The following CDH18 variants were observed in gnomAD, a reference collection of about 807,000 sequenced individuals.
CDH18 encodes the protein cadherin 18.
CDH18 carries 31 observed loss-of-function variants against 67.9 expected under a neutral mutation model. The observed-to-expected ratio is 0.46, with a 90% confidence interval of 0.34 to 0.62. The LOEUF (loss-of-function observed/expected upper bound fraction) is 0.62, where lower values mean the gene tolerates loss of function less well. Ranked by LOEUF, CDH18 falls within the 20% of genes least tolerant of loss-of-function variation. The pLI is 0.01. For missense variants in CDH18, 890 were observed against 975.5 expected, an observed-to-expected ratio of 0.91 and a Z score of 1.17; for synonymous variants, 362 against 347.2, an observed-to-expected ratio of 1.04 and a Z score of -0.48.
intron 1 of CDH18, among the ~76,000 whole-genome samples, chr5:20,261,776 G>C (rs1462566159): frequency 6.6e-6 from 1 of 152,008 alleles, no homozygotes; most frequent in Non-Finnish European, 1.5e-5. Context: ...TGTGTGGTGT[G>C]GTTTTGTACT....
intron 4 of CDH18, among the ~76,000 whole-genome samples, chr5:19,726,568 G>T (rs1485170138): frequency 2.0e-5 from 3 of 152,142 alleles, no homozygotes; most frequent in Non-Finnish European, 2.9e-5. Context: ...ATAAATAGCA[G>T]GGATGGAAAA....
intron 10 of CDH18, among the ~76,000 whole-genome samples, chr5:19,516,084 C>T (rs1745945151): frequency 6.6e-6 from 1 of 151,982 alleles, no homozygotes; most frequent in South Asian, 2.1e-4. Context: ...TGTCAAAGGC[C>T]TTTCTGCATC....
Position 20,055,824 on chromosome 5 carries a change from A to G in CDH18, c.-517-63810T>C, listed in dbSNP as rs559511101. On this transcript the variant is annotated intron_variant, in intron 2 of 14. Coordinates refer to the CDH18 transcript ENST00000507958. Reference sequence around the variant, plus strand: ...TTTTCATTGTTATCACCTGCCTTGAAGCAGAAGGTCCTTTACATTAATAAC... The same window carrying G: ...TTTTCATTGTTATCACCTGCCTTGAGGCAGAAGGTCCTTTACATTAATAAC... Among the ~76,000 whole-genome samples the G allele has an allele frequency of 1.7e-4, 26 of 152,202 alleles. 1 individual carries two copies. Among genetic ancestry groups the G allele is most frequent in the African/African-American group, 6.0e-4 (25 of 41,536 alleles).
intron 7 of CDH18, among the ~76,000 whole-genome samples, chr5:19,584,918 A>G (rs1743913140): frequency 6.6e-6 from 1 of 151,586 alleles, no homozygotes; most frequent in African/African-American, 2.4e-5. Context: ...TCACTTGGGC[A>G]CTAGGGACCG....
intron 1 of CDH18, among the ~76,000 whole-genome samples, chr5:20,568,238 C>A (rs989963160): frequency 6.6e-5 from 10 of 152,066 alleles, no homozygotes; most frequent in Admixed American, 5.9e-4. Context: ...GACAGAAGGA[C>A]CTGGATTTGA....
At chr5:20,513,174 A>G (rs1394316352) in intron 1 of CDH18, among the ~76,000 whole-genome samples, 1 of 152,168 alleles carries the variant, frequency 6.6e-6, no homozygotes, top group Admixed American at 6.5e-5. Flanking sequence ...TTTTTCAGTT[A>G]TAATAAAGTG....
chr5:20,568,703 A>G (rs1249158545), intron 1 of CDH18, among the ~76,000 whole-genome samples: 2 of 152,090 alleles, frequency 1.3e-5, no homozygotes, highest in African/African-American at 4.8e-5. Context: ...TTTTAAAAAC[A>G]TTTTCTATCT....
At chr5:19,951,204 T>C (rs1309414292) in intron 2 of CDH18, among the ~76,000 whole-genome samples, 1 of 152,184 alleles carries the variant, frequency 6.6e-6, no homozygotes, top group African/African-American at 2.4e-5. Flanking sequence ...AGTGTCATAA[T>C]GCATCAGCTA....
chr5:19,506,855 C>A (rs1262292105), intron 10 of CDH18, among the ~76,000 whole-genome samples: 3 of 152,004 alleles, frequency 2.0e-5, no homozygotes, highest in East Asian at 1.9e-4. Flanking sequence ...CAAGGACTTC[C>A]TGTCTAAAAC....
rs893270112 is a variant in CDH18 at position 19,638,655 on chromosome 5, C to G, written c.644-26054G>C. Among the ~76,000 whole-genome samples, 5 of 151,620 alleles carry G rather than the reference C, an allele frequency of 3.3e-5. No homozygotes were observed. The East Asian group carries it at 5.8e-4, about 18-fold the overall frequency. On this transcript the variant is annotated intron_variant, in intron 5 of 12. Transcript: ENST00000382275. ...AGTAGGAGGTTCCTGCCTTCCCCCC[C>G]CGCGCCCCACATAAAAAAATTATCC...
chr5:20,539,776 A>G (rs1040794026), intron 1 of CDH18, among the ~76,000 whole-genome samples: 3 of 151,592 alleles, frequency 2.0e-5, no homozygotes, highest in African/African-American at 7.3e-5. Flanking sequence ...ACACACACAC[A>G]CACACCCTCC....
At chr5:19,779,498 G>T (rs1405787263) in intron 3 of CDH18, among the ~76,000 whole-genome samples, 1 of 152,166 alleles carries the variant, frequency 6.6e-6, no homozygotes, top group Non-Finnish European at 1.5e-5. Context: ...TACCAAGGCA[G>T]ATCTGCTATC....
chr5:19,980,248 G>C (rs1402229860), intron 2 of CDH18, among the ~76,000 whole-genome samples: 1 of 151,914 alleles, frequency 6.6e-6, no homozygotes, highest in South Asian at 2.1e-4. Flanking sequence ...ACTTAACCAA[G>C]GAGGTGAAAG....
At chr5:20,223,154 T>G (rs978733868) in intron 2 of CDH18, among the ~76,000 whole-genome samples, 1 of 152,070 alleles carries the variant, frequency 6.6e-6, no homozygotes, top group African/African-American at 2.4e-5. Context: ...AGCTGTACCC[T>G]GCAAAGTCAC....
chr5:20,255,528 T>C (rs1379137078), intron 1 of CDH18: 2 of 152,106 alleles, frequency 1.3e-5, no homozygotes, highest in African/African-American at 2.4e-5. Flanking sequence ...AAAACAAAAA[T>C]ATAAAACATA....
intron 1 of CDH18, among the ~76,000 whole-genome samples, chr5:20,263,240 C>G (rs1471649968): frequency 6.6e-6 from 1 of 152,012 alleles, no homozygotes; most frequent in East Asian, 1.9e-4. Flanking sequence ...GAGCTGTGAG[C>G]TACACTAGCT....
intron 4 of CDH18, among the ~76,000 whole-genome samples, chr5:19,725,913 C>T (rs1057448031): frequency 1.3e-5 from 2 of 152,200 alleles, no homozygotes; most frequent in Admixed American, 6.5e-5. Context: ...AGGCTATAAA[C>T]TCCTCAGGTT....
intron 5 of CDH18, among the ~76,000 whole-genome samples, chr5:19,705,152 G>T (rs187287473): frequency 2.6e-5 from 4 of 152,082 alleles, no homozygotes; most frequent in African/African-American, 9.7e-5. Flanking sequence ...ACCTTATTAC[G>T]TGGATGATAT....
chr5:19,688,673 T>A (rs2150412498), intron 5 of CDH18, among the ~76,000 whole-genome samples: 1 of 152,190 alleles, frequency 6.6e-6, no homozygotes, highest in Non-Finnish European at 1.5e-5. Context: ...CCCAGTGATT[T>A]TTCAGCAACA....
Sources: gnomAD v4.1 joint callset for allele counts (sites outside exome capture counted in the v4.1 genomes callset) on GRCh38, gnomAD v4.1.1 for gene constraint, MANE v1.5 for transcripts, NCBI Gene and HGNC (gene_info 2026-07-23, HGNC 2026-07-21) for gene names.